The following JAML variants were observed in gnomAD, a reference collection of about 807,000 sequenced individuals.
JAML encodes the protein junctional adhesion molecule-like.
JAML carries 25 observed loss-of-function variants against 39.3 expected under a neutral mutation model. The observed-to-expected ratio is 0.64, with a 90% CI of 0.46 to 0.89. JAML has a LOEUF of 0.89. JAML is among the 40% of genes least tolerant of loss of function. The pLI, the probability that JAML is intolerant of heterozygous loss-of-function variation, is 0.00. For synonymous variants in JAML, 162 were observed against 179.2 expected (o/e 0.90, Z 0.77); for missense variants, 440 against 486.9 (o/e 0.90, Z 0.91).
In JAML at chr11:118,194,262, GC is replaced by G. The variant is rs907915828; in HGVS notation, c.*62del. ...GGAGTCTGAAATCACTGGTAGAGTGGCCCAGGACACACACAGGAGAGAGTCT... is the reference window on the plus strand; with the variant it reads ...GGAGTCTGAAATCACTGGTAGAGTGGCCAGGACACACACAGGAGAGAGTCT... On this transcript the variant is annotated 3_prime_UTR_variant, in exon 10 of 10. Coordinates refer to ENST00000356289, the MANE Select transcript of JAML (RefSeq NM_001098526.2). 14 of 1,412,596 alleles carry G rather than the reference GC, an allele frequency of 9.9e-6. No homozygotes were observed. The African/African-American group carries it at 1.6e-4, about 16-fold the overall frequency. The allele number at this position is 1,412,596 out of a possible 1,614,324, so 87.5% of individuals were successfully genotyped here. A position where few individuals can be genotyped will look rare whatever the true frequency, so the allele number is the denominator to read the frequency against.
chr11:118,203,559 C>T lies in JAML; in HGVS notation c.641G>A (p.Arg214His), dbSNP rs75667040. 1.2e-3 allele frequency: 1,989 copies of T among 1,614,166 alleles called. 23 individuals are homozygous for T. In the African/African-American group the frequency reaches 0.024, roughly 19 times the overall value. Reference sequence around the variant, plus strand: ...TTGAAGCATGATGGAACCGTCATTGCGGAAAATGTCCCCCACCAGGTTCAC... The same window carrying T: ...TTGAAGCATGATGGAACCGTCATTGTGGAAAATGTCCCCCACCAGGTTCAC... ...NRVNLVGDIFRNDGSIMLQGV... is the reference protein window; with the variant it reads ...NRVNLVGDIFHNDGSIMLQGV... The change falls in exon 6 of 10, where the codon CGC becomes CAC. Residue 214 changes from arginine (R) to histidine (H), a missense_variant. Arg to His is a conservative substitution (Grantham distance 29). Coordinates refer to ENST00000356289, the MANE Select transcript of JAML (RefSeq NM_001098526.2).
intron 2 of JAML, chr11:118,213,093 T>G: frequency 6.7e-7 from 1 of 1,493,240 alleles, no homozygotes; most frequent in Non-Finnish European, 8.9e-7. Context: ...GAGCACAGCT[T>G]TCCTCCTGCA....
chr11:118,202,026 A>G (rs1166278595), intron 6 of JAML: 1 of 152,352 alleles, frequency 6.6e-6, no homozygotes, highest in East Asian at 1.9e-4. Context: ...TATAAATGCT[A>G]CTGAAGGAGA....
intron 7 of JAML, among the ~76,000 whole-genome samples, chr11:118,199,943 G>A (rs927124799): frequency 3.3e-5 from 5 of 151,972 alleles, no homozygotes; most frequent in African/African-American, 1.2e-4. Flanking sequence ...TGATCCGCCC[G>A]CCTTGGCCTC....
intron 6 of JAML, chr11:118,202,355 G>C (rs2134650882): frequency 6.5e-6 from 1 of 152,956 alleles, no homozygotes; most frequent in East Asian, 1.9e-4. Context: ...AAAAGACATA[G>C]AATGGAGCTG....
intron 1 of JAML, among the ~76,000 whole-genome samples, chr11:118,218,157 G>T (rs964106791): frequency 6.6e-6 from 1 of 152,092 alleles, no homozygotes; most frequent in African/African-American, 2.4e-5. Context: ...GCAATGGCAC[G>T]ATCTCAGCTC....
intron 9 of JAML, 149 bp downstream of exon 9, chr11:118,196,586 T>C (rs2134639642): frequency 1.5e-6 from 1 of 685,860 alleles, no homozygotes; most frequent in Non-Finnish European, 2.6e-6. Context: ...CACTCTTCTA[T>C]CCAGCAGAAC....
chr11:118,206,319 C>T (rs1948914982), intron 4 of JAML, among the ~76,000 whole-genome samples: 2 of 152,154 alleles, frequency 1.3e-5, no homozygotes, highest in Admixed American at 1.3e-4. Context: ...TCTTTAATTC[C>T]TTTCTCTTTC....
intron 5 of JAML, chr11:118,205,580 C>T (rs563898777): frequency 2.4e-5 from 8 of 328,208 alleles, no homozygotes; most frequent in East Asian, 1.4e-4. Context: ...GGACTCTATA[C>T]GAAGGAAAAG....
At chr11:118,221,546 C>T (rs138581105) in intron 1 of JAML, among the ~76,000 whole-genome samples, 1 of 152,332 alleles carries the variant, frequency 6.6e-6, no homozygotes, top group African/African-American at 2.4e-5. Context: ...CTAATACCCT[C>T]GCTGATCTGA....
intron 5 of JAML, chr11:118,204,938 ACCTGGCCCCTAACATT>A (rs971061011): frequency 3.9e-5 from 6 of 152,324 alleles, no homozygotes; most frequent in African/African-American, 1.4e-4. Context: ...GAATGAAGTG[ACCTGGCCCCTAACATT>A]TTGTCTCTCG....
intron 6 of JAML, chr11:118,203,172 G>T: frequency 3.2e-6 from 2 of 630,218 alleles, no homozygotes; most frequent in Non-Finnish European, 5.9e-6. Flanking sequence ...TCTGGCAGAG[G>T]ATTGGTATTC....
At chr11:118,211,754 A>G (rs2134668646) in intron 3 of JAML, among the ~76,000 whole-genome samples, 1 of 152,302 alleles carries the variant, frequency 6.6e-6, no homozygotes, top group Admixed American at 6.5e-5. Flanking sequence ...ATATACGAGT[A>G]TCTATACAGA....
chr11:118,203,768 G>C, intron 5 of JAML, 103 bp from the exon 6 acceptor site: 6 of 906,926 alleles, frequency 6.6e-6, no homozygotes, highest in Non-Finnish European at 1.1e-5. Context: ...GGCCCTGCTA[G>C]GTGAAGGCAG....
chr11:118,218,050 C>T (rs1408126304), intron 1 of JAML, among the ~76,000 whole-genome samples: 1 of 152,204 alleles, frequency 6.6e-6, no homozygotes, highest in Non-Finnish European at 1.5e-5. Context: ...CCTCGGGAAA[C>T]CTCTCTTCAA....
chr11:118,214,833 C>T lies in JAML; in HGVS notation c.34G>A (p.Val12Met). ...CTTAGCTTCTACTTACCCAGTAACA[C>T]TGGCAGCAGGATGAGTTTCAGTGGG... ...FCPLKLILLP[V>M]LLDYSLGLND... The change falls in exon 2 of 10, where the codon GTG becomes ATG. Residue 12 changes from valine (V) to methionine (M), a missense_variant. By Grantham distance (21) the Val-to-Met change is conservative (BLOSUM62 1). Coordinates refer to ENST00000356289, the MANE Select transcript of JAML (RefSeq NM_001098526.2). The T allele has an allele frequency of 2.5e-6, 4 of 1,614,038 alleles. No homozygotes were observed. In the East Asian group the frequency reaches 6.7e-5, roughly 27 times the overall value.
chr11:118,212,613 A>AC, intron 2 of JAML, 52 bp from the exon 3 acceptor site: 1 of 1,594,812 alleles, frequency 6.3e-7, no homozygotes, highest in Non-Finnish European at 8.5e-7. Flanking sequence ...TACTCTCAAC[A>AC]ACAAAAATCA....
intron 2 of JAML, chr11:118,213,119 T>A: frequency 1.4e-6 from 2 of 1,447,682 alleles, no homozygotes; most frequent in Non-Finnish European, 1.8e-6. Context: ...ACTGTGTTTA[T>A]CCTCTCCCTG....
chr11:118,209,040 T>A (rs1377099780), intron 4 of JAML: 1 of 241,044 alleles, frequency 4.1e-6, no homozygotes, highest in East Asian at 1.0e-4. Flanking sequence ...AAGAATTTTA[T>A]CTCCAGCTTT....
Sources: gnomAD v4.1 joint callset for allele counts (sites outside exome capture counted in the v4.1 genomes callset) on GRCh38, gnomAD v4.1.1 for gene constraint, MANE v1.5 for transcripts, NCBI Gene and HGNC (gene_info 2026-07-23, HGNC 2026-07-21) for gene names.